PPA2: variants seen among roughly 807,000 people sequenced by gnomAD.
The protein encoded by PPA2 is inorganic pyrophosphatase 2.
A neutral mutation model predicts 49.5 loss-of-function variants in PPA2; 48 were observed. The observed-to-expected ratio is 0.97, with a 90% confidence interval of 0.77 to 1.23. The LOEUF (loss-of-function observed/expected upper bound fraction) is 1.23. PPA2 is among the 50% of genes most tolerant of loss of function. The pLI is 0.00. For synonymous variants in PPA2, 131 were observed against 139.9 expected, an observed-to-expected ratio of 0.94 and a Z score of 0.45; for missense variants, 429 against 410.1, an observed-to-expected ratio of 1.05 and a Z score of -0.40.
intron 3 of PPA2, among the ~76,000 whole-genome samples, chr4:105,450,277 T>C (rs1261973358): frequency 1.3e-5 from 2 of 152,194 alleles, no homozygotes; most frequent in Non-Finnish European, 2.9e-5. Context: ...AAACCGATTG[T>C]TACTGGCTCA....
At chr4:105,465,335 C>T (rs560560905) in intron 1 of PPA2, among the ~76,000 whole-genome samples, 3 of 152,214 alleles carry the variant, frequency 2.0e-5, no homozygotes, top group South Asian at 4.1e-4. Flanking sequence ...TAAGTTATTC[C>T]AATGCCTCAC....
At chr4:105,467,602 C>T (rs1042103621) in intron 1 of PPA2, among the ~76,000 whole-genome samples, 1 of 152,074 alleles carries the variant, frequency 6.6e-6, no homozygotes, top group Admixed American at 6.6e-5. Context: ...GGAAAGTAGA[C>T]TATACAGGGC....
chr4:105,405,325 C>T (rs1253335776), intron 7 of PPA2: 1 of 762,050 alleles, frequency 1.3e-6, no homozygotes, highest in Non-Finnish European at 1.6e-6. Context: ...TTTTGCTATA[C>T]ACATATAGTT....
chr4:105,457,413 C>A (rs1722916183), intron 1 of PPA2, among the ~76,000 whole-genome samples: 1 of 152,138 alleles, frequency 6.6e-6, no homozygotes, highest in South Asian at 2.1e-4. Flanking sequence ...AAAAGCTAAG[C>A]TTAATAGAGC....
intron 6 of PPA2, among the ~76,000 whole-genome samples, chr4:105,426,347 G>A (rs879382648): frequency 3.3e-5 from 5 of 152,210 alleles, no homozygotes; most frequent in Non-Finnish European, 7.3e-5. Flanking sequence ...AGTGGGTGCA[G>A]CCCTCGGAGA....
chr4:105,471,084 G>C (rs115146311), intron 1 of PPA2, among the ~76,000 whole-genome samples: 2,697 of 152,252 alleles, frequency 0.018, 72 homozygotes, highest in African/African-American at 0.059. Context: ...GTAATAAAAT[G>C]GGAAGTGTTC....
chr4:105,396,218 C>T, intron 9 of PPA2, 31 bp downstream of exon 9: 1 of 1,348,204 alleles, frequency 7.4e-7, no homozygotes, highest in Non-Finnish European at 1.0e-6. Context: ...ATTAATATAA[C>T]ATTACTTACA....
intron 5 of PPA2, among the ~76,000 whole-genome samples, chr4:105,443,815 G>C (rs960249270): frequency 1.3e-4 from 20 of 152,084 alleles, no homozygotes; most frequent in African/African-American, 4.6e-4. Context: ...TTCCACCTCA[G>C]GACCTTTATA....
chr4:105,446,595 A>C (rs1308400909), intron 4 of PPA2, 93 bp from the exon 5 acceptor site: 2 of 1,368,082 alleles, frequency 1.5e-6, no homozygotes, highest in Non-Finnish European at 2.0e-6. Context: ...CTATTTTCAG[A>C]CTAAACATTC....
chr4:105,453,240 CG>C (rs1336604726), intron 3 of PPA2, among the ~76,000 whole-genome samples: 1 of 151,954 alleles, frequency 6.6e-6, no homozygotes, highest in Non-Finnish European at 1.5e-5. Flanking sequence ...CCCAGGGCCT[CG>C]GGGGAGGGAG....
intron 1 of PPA2, among the ~76,000 whole-genome samples, chr4:105,464,533 G>A (rs1723221787): frequency 6.6e-6 from 1 of 152,128 alleles, no homozygotes; most frequent in Non-Finnish European, 1.5e-5. Flanking sequence ...CATGAGATTT[G>A]AGAGGGGCCA....
intron 7 of PPA2, among the ~76,000 whole-genome samples, chr4:105,414,215 C>T (rs1219475314): frequency 6.6e-6 from 1 of 152,180 alleles, no homozygotes; most frequent in Non-Finnish European, 1.5e-5. Context: ...CTCTCATACA[C>T]TGATGATACA....
chr4:105,436,610 C>T (rs1210975918), intron 6 of PPA2, among the ~76,000 whole-genome samples: 1 of 152,022 alleles, frequency 6.6e-6, no homozygotes, highest in Non-Finnish European at 1.5e-5. Context: ...AAACATGGTA[C>T]TGGTACAAAA....
At chr4:105,413,217 A>C (rs1171907976) in intron 7 of PPA2, among the ~76,000 whole-genome samples, 1 of 152,092 alleles carries the variant, frequency 6.6e-6, no homozygotes, top group Non-Finnish European at 1.5e-5. Context: ...TTCTGAGCAA[A>C]CTATCACAGG....
At chr4:105,431,184 AATT>A (rs1723782832) in intron 6 of PPA2, among the ~76,000 whole-genome samples, 1 of 152,188 alleles carries the variant, frequency 6.6e-6, no homozygotes, top group South Asian at 2.1e-4. Context: ...TTTTGCATGT[AATT>A]ATATCAAAAA....
At chr4:105,456,245 T>A in intron 2 of PPA2, 1 of 474,554 alleles carries the variant, frequency 2.1e-6, no homozygotes, top group Non-Finnish European at 4.2e-6. Flanking sequence ...CTCTGGCACT[T>A]ACCAGATCTT....
In PPA2 at chr4:105,446,386, A is replaced by G; in HGVS notation, c.438T>C (p.Pro146=). The G allele has an allele frequency of 6.4e-7, 1 of 1,554,214 alleles. No homozygotes were observed. Among genetic ancestry groups the G allele is most frequent in the Non-Finnish European group, 8.7e-7 (1 of 1,150,316 alleles). ...KGYIWNYGTL[P]QTWEDPHEKD... ...ACCATTGTAACAAAAATGTTACCTG[A>G]GGGAGGGTACCATAATTCCATATAT... Residue 146 remains proline, a synonymous_variant, in exon 5 of 12, where the codon CCT becomes CCC. Coordinates refer to ENST00000341695, the MANE Select transcript of PPA2 (RefSeq NM_176869.3).
intron 7 of PPA2, among the ~76,000 whole-genome samples, chr4:105,419,201 C>A (rs1723142827): frequency 6.6e-6 from 1 of 152,086 alleles, no homozygotes; most frequent in Non-Finnish European, 1.5e-5. Context: ...TACATATGCA[C>A]AATGTGCAGG....
chr4:105,370,613 C>T, intron 11 of PPA2: 1 of 977,836 alleles, frequency 1.0e-6, no homozygotes, highest in Non-Finnish European at 1.2e-6. Flanking sequence ...ACCGTACAAT[C>T]AAATCATTTT....
Sources: allele counts gnomAD v4.1 joint callset (sites outside exome capture counted in the v4.1 genomes callset), GRCh38; gene constraint gnomAD v4.1.1; transcripts MANE v1.5; gene names NCBI Gene and HGNC (gene_info 2026-07-23, HGNC 2026-07-21).